ALMS1: variants seen among roughly 807,000 people sequenced by gnomAD.
The protein encoded by ALMS1 is centrosome-associated protein ALMS1.
ALMS1 carries 271 observed loss-of-function variants against 352.2 expected under a neutral mutation model. The ratio of observed to expected loss-of-function variants is 0.77; its 90% CI spans 0.70 to 0.85. The LOEUF (loss-of-function observed/expected upper bound fraction) is 0.85. Among genes scored for constraint, ALMS1 ranks in the 40% least tolerant of loss-of-function variants. The probability of loss-of-function intolerance (pLI) is 0.00; values close to 1 mark genes in which losing one functional copy is unlikely to be tolerated. For missense variants in ALMS1, 5,445 were observed against 4,870.7 expected (o/e 1.12, Z -3.51); for synonymous variants, 1,865 against 1,761.2 (o/e 1.06, Z -1.48).
intron 1 of ALMS1, among the ~76,000 whole-genome samples, chr2:73,391,190 A>C (rs1438780537): frequency 2.0e-5 from 3 of 152,014 alleles, no homozygotes; most frequent in Non-Finnish European, 4.4e-5. Context: ...TTACAGTTTC[A>C]AAGAAGAGAA....
Position 73,449,577 on chromosome 2 carries a change from G to A in ALMS1, c.3050G>A (p.Trp1017Ter). 6.2e-7 allele frequency: 1 copy of A among 1,613,810 alleles called. No individual in the cohort carries two copies. The highest frequency in any genetic ancestry group is 8.5e-7 in the Non-Finnish European group (1 of 1,179,918). The change falls in exon 8 of 23, where the codon TGG becomes TAG. Residue 1017 changes from tryptophan (W) to a stop codon, truncating the protein, a stop_gained. Coordinates refer to ENST00000613296, the MANE Select transcript of ALMS1 (RefSeq NM_001378454.1). LOFTEE classifies it high-confidence loss of function. ...CCCAGTATTTTCTATCAACAGGAGTGGCCAGATAGTTATGCAACTGAAAAG... is the reference window on the plus strand; with the variant it reads ...CCCAGTATTTTCTATCAACAGGAGTAGCCAGATAGTTATGCAACTGAAAAG... Reference protein sequence around the residue: ...EKPSIFYQQEWPDSYATEKAL... With the variant: ...EKPSIFYQQE
chr2:73,453,140 C>G lies in ALMS1; in HGVS notation c.6613C>G (p.Leu2205Val). Reference protein sequence around the residue: ...HKLVSEHVQRLIDNLNSSDSS... With the variant: ...HKLVSEHVQRVIDNLNSSDSS... Reference sequence around the variant, plus strand: ...GCTTGTTTCAGAACATGTCCAAAGGCTAATAGATAATTTGAATTCTTCTGA... The same window carrying G: ...GCTTGTTTCAGAACATGTCCAAAGGGTAATAGATAATTTGAATTCTTCTGA... Residue 2205 changes from leucine (L) to valine (V), a missense_variant, in exon 8 of 23, where the codon CTA becomes GTA. Coordinates refer to ENST00000613296, the MANE Select transcript of ALMS1 (RefSeq NM_001378454.1). 6.2e-7 allele frequency: 1 copy of G among 1,613,994 alleles called. No individual in the cohort carries two copies. The highest frequency in any genetic ancestry group is 8.5e-7 in the Non-Finnish European group (1 of 1,179,956).
At chr2:73,511,751 G>T (rs1011972434) in intron 10 of ALMS1, among the ~76,000 whole-genome samples, 1 of 152,114 alleles carries the variant, frequency 6.6e-6, no homozygotes, top group African/African-American at 2.4e-5. Flanking sequence ...ATTTTTGATT[G>T]TAATGACTAG....
intron 9 of ALMS1, among the ~76,000 whole-genome samples, chr2:73,472,318 C>G (rs1672484368): frequency 6.6e-6 from 1 of 151,412 alleles, no homozygotes; most frequent in South Asian, 2.1e-4. Context: ...TCATTAAGCT[C>G]CAAAAAGTAT....
intron 12 of ALMS1, among the ~76,000 whole-genome samples, chr2:73,549,002 T>C (rs536514412): frequency 2.6e-5 from 4 of 152,216 alleles, no homozygotes; most frequent in Non-Finnish European, 4.4e-5. Context: ...GAAGGCTTGG[T>C]GTTTTCCTTG....
At chr2:73,543,045 C>T (rs1481263625) in intron 12 of ALMS1, among the ~76,000 whole-genome samples, 1 of 151,842 alleles carries the variant, frequency 6.6e-6, no homozygotes, top group African/African-American at 2.4e-5. Context: ...AAAAAAAGAG[C>T]CTGCATCGCC....
intron 1 of ALMS1, among the ~76,000 whole-genome samples, chr2:73,388,510 A>G (rs1043387268): frequency 3.3e-5 from 5 of 151,898 alleles, no homozygotes; most frequent in Admixed American, 3.3e-4. Flanking sequence ...GTACCCATTT[A>G]TCTTTATGCC....
Position 73,600,675 on chromosome 2 carries a change from C to G in ALMS1, c.11669-3C>G. On this transcript the variant is annotated splice_polypyrimidine_tract_variant and splice_region_variant and intron_variant, in intron 17 of 22. Coordinates refer to ENST00000613296, the MANE Select transcript of ALMS1 (RefSeq NM_001378454.1). ...CAGAGACACCTATGATCCTTCCCCT[C>G]AGGTAACTTGGAGATTGTGAACGGT... 1 of 1,611,738 alleles carries G rather than the reference C, an allele frequency of 6.2e-7. No homozygotes were observed. Among genetic ancestry groups the G allele is most frequent in the Non-Finnish European group, 8.5e-7 (1 of 1,178,804 alleles).
intron 16 of ALMS1, among the ~76,000 whole-genome samples, chr2:73,598,237 G>A (rs1017190980): frequency 3.3e-5 from 5 of 152,170 alleles, no homozygotes; most frequent in African/African-American, 1.2e-4. Flanking sequence ...GGTATGCTAT[G>A]TATTCTTTTG....
intron 4 of ALMS1, among the ~76,000 whole-genome samples, chr2:73,423,712 G>A (rs1270958265): frequency 6.6e-6 from 1 of 151,652 alleles, no homozygotes; most frequent in East Asian, 1.9e-4. Flanking sequence ...TAATGATTAA[G>A]TTACTGTTGT....
chr2:73,510,811 C>T (rs563910579), intron 10 of ALMS1, among the ~76,000 whole-genome samples: 1 of 152,274 alleles, frequency 6.6e-6, no homozygotes, highest in Non-Finnish European at 1.5e-5. Flanking sequence ...AAGCTGTGCC[C>T]ACAGCTGCCC....
In ALMS1 at chr2:73,546,348, T is replaced by TTTTG. The variant is rs767536480; in HGVS notation, c.9908-3903_9908-3900dup. On this transcript the variant is annotated intron_variant, in intron 12 of 22. Coordinates refer to ENST00000613296, the MANE Select transcript of ALMS1 (RefSeq NM_001378454.1). ...TGAATTTTCTACAATGATCAGGTTG[T>TTTTG]TTTGTTTGTTTGTTTGTTTTTAATG... Among the ~76,000 whole-genome samples the TTTTG allele has an allele frequency of 1.4e-4, 22 of 152,324 alleles. No homozygotes were observed. The South Asian group carries it at 2.1e-3, about 14-fold the overall frequency.
intron 16 of ALMS1, among the ~76,000 whole-genome samples, chr2:73,577,052 A>C (rs1675069163): frequency 6.6e-6 from 1 of 152,188 alleles, no homozygotes; most frequent in South Asian, 2.1e-4. Context: ...GATTCAGTTT[A>C]TTAGAATTTG....
At chr2:73,442,527 C>A (rs1671739187) in intron 7 of ALMS1, among the ~76,000 whole-genome samples, 1 of 152,124 alleles carries the variant, frequency 6.6e-6, no homozygotes, top group Non-Finnish European at 1.5e-5. Context: ...TTTCCAAATT[C>A]TTTCTCAGAG....
chr2:73,543,071 C>T (rs894552589), intron 12 of ALMS1, among the ~76,000 whole-genome samples: 1 of 152,128 alleles, frequency 6.6e-6, no homozygotes, highest in African/African-American at 2.4e-5. Flanking sequence ...AATCCTAAGA[C>T]AAAAGGACAA....
At chr2:73,402,520 A>C (rs1234025351) in intron 1 of ALMS1, among the ~76,000 whole-genome samples, 1 of 151,096 alleles carries the variant, frequency 6.6e-6, no homozygotes, top group Non-Finnish European at 1.5e-5. Flanking sequence ...TGATCCTCCC[A>C]CCGTGTTTGG....
chr2:73,583,958 A>G (rs956924532), intron 16 of ALMS1, among the ~76,000 whole-genome samples: 3 of 152,120 alleles, frequency 2.0e-5, no homozygotes, highest in African/African-American at 2.4e-5. Flanking sequence ...TGTTTTGGCT[A>G]TTCAGGATTT....
At position 73,490,203 on chromosome 2, in the gene ALMS1, G is replaced by T; in HGVS notation, c.8244G>T (p.Gly2748=). 6.2e-7 allele frequency: 1 copy of T among 1,613,912 alleles called. No homozygotes were observed. ...GCCAGTGTACTGGAGCATCTGTGGGGGTATTTAATTCTCATTTCACTGAAG... is the reference window on the plus strand; with the variant it reads ...GCCAGTGTACTGGAGCATCTGTGGGTGTATTTAATTCTCATTTCACTGAAG... ...EGSQCTGASV[G]VFNSHFTEEQ... The change falls in exon 10 of 23, where the codon GGG becomes GGT. Residue 2748 remains glycine (G), a synonymous_variant. Coordinates refer to ENST00000613296, the MANE Select transcript of ALMS1 (RefSeq NM_001378454.1).
In ALMS1 at chr2:73,606,438, G is replaced by C. The variant is rs181894453; in HGVS notation, c.12363-2037G>C. ...GCTACTAATACTCTCACCTCAGCAAGAGCAGTCCCTGCTGTAAGGGACTAG... is the reference window on the plus strand; with the variant it reads ...GCTACTAATACTCTCACCTCAGCAACAGCAGTCCCTGCTGTAAGGGACTAG... On this transcript the variant is annotated intron_variant, in intron 21 of 22. Transcript: ENST00000613296. Among the ~76,000 whole-genome samples the C allele has an allele frequency of 2.7e-3, 412 of 152,318 alleles. 1 individual carries two copies. The highest frequency in any genetic ancestry group is 6.8e-3 in the Middle Eastern group (2 of 294).
Sources: allele counts gnomAD v4.1 joint callset (sites outside exome capture counted in the v4.1 genomes callset), GRCh38; gene constraint gnomAD v4.1.1; transcripts MANE v1.5; gene names NCBI Gene and HGNC (gene_info 2026-07-23, HGNC 2026-07-21).